Variants in BCHE observed in about 807,000 individuals in gnomAD.
BCHE encodes butyrylcholinesterase.
Under a neutral mutation model 51.3 loss-of-function variants are expected in BCHE, and 48 were observed. The ratio of observed to expected loss-of-function variants is 0.94; its 90% CI spans 0.74 to 1.19. The LOEUF (loss-of-function observed/expected upper bound fraction) is 1.19. Among genes scored for constraint, BCHE ranks in the 50% most tolerant of loss-of-function variants. The probability of loss-of-function intolerance (pLI) is 0.00; values close to 1 mark genes in which losing one functional copy is unlikely to be tolerated. For missense variants in BCHE, 847 were observed against 708.2 expected, an observed-to-expected ratio of 1.20 and a Z score of -2.23; for synonymous variants, 251 against 238.0, an observed-to-expected ratio of 1.05 and a Z score of -0.50.
At chr3:165,814,869 G>C (rs561496085) in intron 2 of BCHE, among the ~76,000 whole-genome samples, 5 of 150,932 alleles carry the variant, frequency 3.3e-5, no homozygotes, top group Admixed American at 6.6e-5. Context: ...CCCATCAGAC[G>C]TATGGGTCAT....
intron 2 of BCHE, among the ~76,000 whole-genome samples, chr3:165,810,625 C>A (rs915192042): frequency 1.3e-5 from 2 of 152,078 alleles, no homozygotes; most frequent in Non-Finnish European, 1.5e-5. Context: ...CACCACTAGT[C>A]GACGTGCTGC....
At chr3:165,814,822 C>T (rs1714239442) in intron 2 of BCHE, among the ~76,000 whole-genome samples, 1 of 151,748 alleles carries the variant, frequency 6.6e-6, no homozygotes, top group South Asian at 2.1e-4. Context: ...AATGTGAATT[C>T]CAACTAAAAT....
intron 2 of BCHE, among the ~76,000 whole-genome samples, chr3:165,816,026 A>C (rs775022320): frequency 2.6e-5 from 4 of 152,080 alleles, no homozygotes; most frequent in Non-Finnish European, 5.9e-5. Flanking sequence ...CATCAAAAAA[A>C]AATCAATGAG....
intron 2 of BCHE, among the ~76,000 whole-genome samples, chr3:165,824,706 G>A (rs1714655375): frequency 6.6e-6 from 1 of 151,918 alleles, no homozygotes; most frequent in Non-Finnish European, 1.5e-5. Context: ...GCATGACGTA[G>A]AAAATCAAGT....
Position 165,830,876 on chromosome 3 carries a change from A to G in BCHE, c.158T>C (p.Val53Ala). 1 of 1,613,986 alleles carries G rather than the reference A, an allele frequency of 6.2e-7. No individual in the cohort carries two copies. Among genetic ancestry groups the G allele is most frequent in the Non-Finnish European group, 8.5e-7 (1 of 1,179,916 alleles). ...GMNLTVFGGT[V>A]TAFLGIPYAQ... Reference sequence around the variant, plus strand: ...ATAGGGAATTCCAAGAAAGGCTGTTACCGTGCCACCAAAAACTGTCAAGTT... The same window carrying G: ...ATAGGGAATTCCAAGAAAGGCTGTTGCCGTGCCACCAAAAACTGTCAAGTT... Residue 53 changes from valine to alanine, a missense_variant, in exon 2 of 4, where the codon GTA becomes GCA. Coordinates refer to ENST00000264381, the MANE Select transcript of BCHE (RefSeq NM_000055.4).
intron 2 of BCHE, among the ~76,000 whole-genome samples, chr3:165,823,934 C>CT (rs33928098): frequency 3.2e-4 from 43 of 132,726 alleles, no homozygotes; most frequent in African/African-American, 9.2e-4. Context: ...ACCCAACCAA[C>CT]TTTTTTTTTT....
In BCHE at chr3:165,830,942, T is replaced by G; in HGVS notation, c.92A>C (p.Asp31Ala). The change falls in exon 2 of 4, where the codon GAC becomes GCC. Residue 31 changes from aspartate to alanine, a missense_variant. Physicochemically the swap from Asp to Ala is moderately radical, Grantham distance 126. Coordinates refer to ENST00000264381, the MANE Select transcript of BCHE (RefSeq NM_000055.4). ...MLIGKSHTED[D>A]IIIATKNGKV... ...TCCATTCTTTGTTGCAATTATGATGTCATCTTCAGTATGTGACTTCCCAAT... is the reference window on the plus strand; with the variant it reads ...TCCATTCTTTGTTGCAATTATGATGGCATCTTCAGTATGTGACTTCCCAAT... The G allele has an allele frequency of 6.2e-7, 1 of 1,613,898 alleles. No homozygotes were observed. Among genetic ancestry groups the G allele is most frequent in the Non-Finnish European group, 8.5e-7 (1 of 1,179,904 alleles).
chr3:165,790,974 G>C (rs946897856), intron 2 of BCHE, among the ~76,000 whole-genome samples: 1 of 152,030 alleles, frequency 6.6e-6, no homozygotes, highest in Admixed American at 6.6e-5. Context: ...CAGAGTAAGA[G>C]AGGGAAGAAT....
At chr3:165,814,108 G>C (rs966318926) in intron 2 of BCHE, among the ~76,000 whole-genome samples, 1 of 151,904 alleles carries the variant, frequency 6.6e-6, no homozygotes, top group Non-Finnish European at 1.5e-5. Flanking sequence ...TGTATACTAA[G>C]TATATAAGAT....
intron 2 of BCHE, among the ~76,000 whole-genome samples, chr3:165,806,341 GT>G (rs1288451269): frequency 6.6e-6 from 1 of 152,044 alleles, no homozygotes; most frequent in Admixed American, 6.6e-5. Flanking sequence ...TTTAAGAAAG[GT>G]TTCTATAAGC....
Position 165,812,344 on chromosome 3 carries a change from C to G in BCHE, c.1517+17173G>C, listed in dbSNP as rs148897280. The stretch of plus-strand genomic sequence containing the variant: ...TGTATTTTATCAAATCTTTATCACA[C>G]AGTTTATCAAGTATTTATCAACATT... On this transcript the variant is annotated intron_variant, in intron 2 of 3. Transcript: ENST00000264381. Among the ~76,000 whole-genome samples, 520 of 151,178 alleles carry G rather than the reference C, an allele frequency of 3.4e-3. 3 individuals carry two copies. The highest frequency in any genetic ancestry group is 0.012 in the African/African-American group (496 of 41,248).
intron 1 of BCHE, among the ~76,000 whole-genome samples, chr3:165,835,947 C>T (rs1014088765): frequency 3.3e-5 from 5 of 151,690 alleles, no homozygotes; most frequent in Non-Finnish European, 7.4e-5. Flanking sequence ...TGGCAAGAAA[C>T]CATCGAAATG....
Position 165,829,730 on chromosome 3 carries a change from T to C in BCHE, c.1304A>G (p.Lys435Arg), listed in dbSNP as rs1417409022. 6.2e-7 allele frequency: 1 copy of C among 1,613,966 alleles called. No individual in the cohort carries two copies. Among genetic ancestry groups the C allele is most frequent in the Non-Finnish European group, 8.5e-7 (1 of 1,179,936 alleles). Residue 435 changes from lysine (K) to arginine (R), a missense_variant, in exon 2 of 4, where the codon AAG becomes AGG. Lys to Arg is a conservative substitution (Grantham distance 26, BLOSUM62 2). Coordinates refer to ENST00000264381, the MANE Select transcript of BCHE (RefSeq NM_000055.4). ...NFICPALEFT[K>R]KFSEWGNNAF... is the part of the protein sequence containing the mutation. ...ATTATTTCCCCATTCTGAGAACTTCTTGGTGAACTCCAAGGCAGGGCATAT... is the reference window on the plus strand; with the variant it reads ...ATTATTTCCCCATTCTGAGAACTTCCTGGTGAACTCCAAGGCAGGGCATAT...
At chr3:165,803,753 G>A (rs945689259) in intron 2 of BCHE, among the ~76,000 whole-genome samples, 5 of 152,014 alleles carry the variant, frequency 3.3e-5, no homozygotes, top group African/African-American at 1.2e-4. Flanking sequence ...AACTGAAGTG[G>A]GGAAGTATGT....
At position 165,830,631 on chromosome 3, in the gene BCHE, C is replaced by T. The variant is rs780960236; in HGVS notation, c.403G>A (p.Ala135Thr). Residue 135 changes from alanine (A) to threonine (T), a missense_variant, in exon 2 of 4, where the codon GCC becomes ACC. By Grantham distance (58) the Ala-to-Thr change is moderately conservative. Coordinates refer to ENST00000264381, the MANE Select transcript of BCHE (RefSeq NM_000055.4). ...VWIPAPKPKN[A>T]TVLIWIYGGG... Reference sequence around the variant, plus strand: ...CCATAAATCCATATCAATACAGTGGCATTTTTTGGTTTAGGTGCTGGAATC... The same window carrying T: ...CCATAAATCCATATCAATACAGTGGTATTTTTTGGTTTAGGTGCTGGAATC... 1 of 1,613,994 alleles carries T rather than the reference C, an allele frequency of 6.2e-7. No individual in the cohort carries two copies. Among genetic ancestry groups the T allele is most frequent in the Non-Finnish European group, 8.5e-7 (1 of 1,179,958 alleles).
At chr3:165,806,036 A>G (rs1044871328) in intron 2 of BCHE, among the ~76,000 whole-genome samples, 3 of 151,818 alleles carry the variant, frequency 2.0e-5, no homozygotes, top group Admixed American at 6.6e-5. Flanking sequence ...GTCTCCTCTC[A>G]TTCTCCCTGT....
intron 2 of BCHE, among the ~76,000 whole-genome samples, chr3:165,802,718 T>C (rs953926061): frequency 1.7e-4 from 25 of 151,146 alleles, no homozygotes; most frequent in Non-Finnish European, 2.7e-4. Flanking sequence ...TAGAAATAAA[T>C]GATTTTTTGT....
chr3:165,833,940 G>A (rs1715084273), intron 1 of BCHE, among the ~76,000 whole-genome samples: 1 of 152,008 alleles, frequency 6.6e-6, no homozygotes, highest in Non-Finnish European at 1.5e-5. Context: ...CTCAGTCAAT[G>A]TTCTTCTAAG....
intron 2 of BCHE, 142 bp downstream of exon 2, chr3:165,829,375 A>G (rs1032783183): frequency 1.3e-6 from 1 of 781,000 alleles, no homozygotes; most frequent in African/African-American, 1.8e-5. Context: ...ATAAGAAAAA[A>G]TAAAACCAGC....
Sources: gnomAD v4.1 joint callset for allele counts (sites outside exome capture counted in the v4.1 genomes callset) on GRCh38, gnomAD v4.1.1 for gene constraint, MANE v1.5 for transcripts, NCBI Gene and HGNC (gene_info 2026-07-23, HGNC 2026-07-21) for gene names.